Variants in AFG2A observed in about 807,000 individuals in gnomAD.
AFG2A encodes AAA ATPase AFG2A.
chr4:123,040,141 T>C, the AFG2A span, among the ~76,000 whole-genome samples: 801 of 152,292 alleles, frequency 5.3e-3, 7 homozygotes, highest in African/African-American at 0.018. Flanking sequence ...GAAGTTGTTA[T>C]TGTTATTGGA....
chr4:123,246,481 C>G, the AFG2A span, among the ~76,000 whole-genome samples: 2 of 152,142 alleles, frequency 1.3e-5, no homozygotes, highest in Non-Finnish European at 2.9e-5. Flanking sequence ...GGACCAAACT[C>G]CTTGGCATTA....
the AFG2A span, among the ~76,000 whole-genome samples, chr4:123,031,592 C>G: frequency 5.4e-4 from 83 of 152,322 alleles, no homozygotes; most frequent in African/African-American, 2.0e-3. Flanking sequence ...AATAACAAAT[C>G]TTACACATTT....
the AFG2A span, among the ~76,000 whole-genome samples, chr4:123,278,877 C>T: frequency 6.6e-6 from 1 of 151,978 alleles, no homozygotes; most frequent in African/African-American, 2.4e-5. Flanking sequence ...AAGTACAATA[C>T]TGATGCTTTT....
At chr4:123,131,949 CA>C in the AFG2A span, among the ~76,000 whole-genome samples, 1 of 66,022 alleles carries the variant, frequency 1.5e-5, no homozygotes, top group East Asian at 5.7e-4. Flanking sequence ...ATAGTGGGAA[CA>C]AGGTTTTAAA....
the AFG2A span, among the ~76,000 whole-genome samples, chr4:123,055,190 C>T: frequency 6.6e-6 from 1 of 152,130 alleles, no homozygotes; most frequent in Non-Finnish European, 1.5e-5. Context: ...ATGAACTCAG[C>T]GTAAAGACCT....
chr4:122,996,267 C>T, the AFG2A span, among the ~76,000 whole-genome samples: 2 of 152,174 alleles, frequency 1.3e-5, no homozygotes, highest in African/African-American at 4.8e-5. Context: ...CTTCCATACA[C>T]ATGGACTCCA....
the AFG2A span, among the ~76,000 whole-genome samples, chr4:123,226,003 T>C: frequency 3.8e-4 from 58 of 152,004 alleles, no homozygotes; most frequent in Non-Finnish European, 4.1e-4. Flanking sequence ...CATGATTTGG[T>C]TCTCTGTTTG....
chr4:122,928,287 CT>C, the AFG2A span, among the ~76,000 whole-genome samples: 2 of 152,070 alleles, frequency 1.3e-5, no homozygotes, highest in African/African-American at 4.8e-5. Flanking sequence ...GCTGTTTCTC[CT>C]TGCTGTCATT....
At chr4:123,107,136 G>A in the AFG2A span, among the ~76,000 whole-genome samples, 22,188 of 152,186 alleles carry the variant, frequency 0.15, 2,070 homozygotes, top group East Asian at 0.45. Flanking sequence ...CTGCCTCAGG[G>A]AGCCCCTAGG....
At chr4:122,996,448 A>T in the AFG2A span, among the ~76,000 whole-genome samples, 1 of 152,080 alleles carries the variant, frequency 6.6e-6, no homozygotes, top group Admixed American at 6.6e-5. Context: ...TTGCCTTTAC[A>T]TATGTATTAG....
the AFG2A span, among the ~76,000 whole-genome samples, chr4:122,962,734 T>G: frequency 6.6e-6 from 1 of 152,230 alleles, no homozygotes; most frequent in Non-Finnish European, 1.5e-5. Flanking sequence ...TGAGAGTTAT[T>G]CTTGATTCTT....
the AFG2A span, among the ~76,000 whole-genome samples, chr4:123,255,451 C>T: frequency 6.6e-6 from 1 of 150,754 alleles, no homozygotes; most frequent in Non-Finnish European, 1.5e-5. Context: ...GCTGAGACTG[C>T]GCCACTGCAC....
At chr4:122,938,151 G>T in the AFG2A span, 1 of 1,606,508 alleles carries the variant, frequency 6.2e-7, no homozygotes, top group Non-Finnish European at 8.5e-7. Context: ...TTTTATTGAT[G>T]AGCTGGATGC....
At chr4:122,989,966 C>T in the AFG2A span, among the ~76,000 whole-genome samples, 2 of 152,168 alleles carry the variant, frequency 1.3e-5, no homozygotes, top group Non-Finnish European at 2.9e-5. Flanking sequence ...AGTTGATCCT[C>T]CCACCTCAGT....
the AFG2A span, among the ~76,000 whole-genome samples, chr4:123,201,280 C>T: frequency 6.6e-6 from 1 of 152,126 alleles, no homozygotes; most frequent in Non-Finnish European, 1.5e-5. Flanking sequence ...AAAATATGGA[C>T]GTAAGAGTCT....
chr4:123,266,835 T>C, the AFG2A span, among the ~76,000 whole-genome samples: 1 of 151,950 alleles, frequency 6.6e-6, no homozygotes, highest in Non-Finnish European at 1.5e-5. Context: ...ACATGTCTTG[T>C]TAATTAAAAA....
chr4:123,052,531 GAGGGATTAAGTATTTATTTTACTCTTCAC>G, the AFG2A span, among the ~76,000 whole-genome samples: 1 of 152,114 alleles, frequency 6.6e-6, no homozygotes, highest in Non-Finnish European at 1.5e-5. Flanking sequence ...TCTGTGCATT[GAGGGATTAAGTATTTATTTTACTCTTCAC>G]AGTCTTCCTT....
At chr4:123,090,663 G>C in the AFG2A span, 3 of 1,614,130 alleles carry the variant, frequency 1.9e-6, no homozygotes, top group Non-Finnish European at 2.5e-6. Context: ...TAAAGGATGT[G>C]ACCATTTTGG....
At chr4:123,094,819 T>C in the AFG2A span, among the ~76,000 whole-genome samples, 1 of 151,730 alleles carries the variant, frequency 6.6e-6, no homozygotes, top group African/African-American at 2.4e-5. Flanking sequence ...TTTCCTTCAG[T>C]CACAGCCAGC....
Sources: allele counts gnomAD v4.1 joint callset (sites outside exome capture counted in the v4.1 genomes callset), GRCh38; gene constraint gnomAD v4.1.1; transcripts MANE v1.5; gene names NCBI Gene and HGNC (gene_info 2026-07-23, HGNC 2026-07-21).